The following PCDHGA8 variants were observed in gnomAD, a reference collection of about 807,000 sequenced individuals.
The protein encoded by PCDHGA8 is protocadherin gamma-A8.
PCDHGA8 carries 45 observed loss-of-function variants against 59.2 expected under a neutral mutation model. The observed-to-expected ratio is 0.76, with a 90% CI of 0.60 to 0.98. PCDHGA8 has a LOEUF of 0.98. Among genes scored for constraint, PCDHGA8 ranks in the 50% least tolerant of loss-of-function variants. The pLI, the probability that PCDHGA8 is intolerant of heterozygous loss-of-function variation, is 0.00. For synonymous variants in PCDHGA8, 531 were observed against 519.0 expected (o/e 1.02, Z -0.32); for missense variants, 1,257 against 1,196.2 (o/e 1.05, Z -0.75).
At position 141,491,116 on chromosome 5, in the gene PCDHGA8, GGT is replaced by G. The variant is rs2099708409; in HGVS notation, c.2425-3689_2425-3688del. The G allele has an allele frequency of 1.2e-6, 2 of 1,614,178 alleles. No individual in the cohort carries two copies. Among genetic ancestry groups the G allele is most frequent in the Non-Finnish European group, 1.7e-6 (2 of 1,180,024 alleles). On this transcript the variant is annotated intron_variant, in intron 1 of 3. Transcript: ENST00000398604. This position sits in a 1 kb window ranked among gnomAD's most constrained non-coding sequence, Gnocchi z 6.9. Reference sequence around the variant, plus strand: ...ACTGTTCCTCGTGTCTACACACACTGGTGAGGTGCGCACAGCCCGGGCCTTAC... The same window carrying G: ...ACTGTTCCTCGTGTCTACACACACTGGAGGTGCGCACAGCCCGGGCCTTAC...
intron 1 of PCDHGA8, chr5:141,413,378 T>G (rs2095632557): frequency 6.2e-7 from 1 of 1,613,616 alleles, no homozygotes; most frequent in Non-Finnish European, 8.5e-7. Context: ...GAGCGCGGAG[T>G]CCGCATAGTC....
intron 1 of PCDHGA8, chr5:141,399,525 C>G: frequency 6.2e-7 from 1 of 1,614,058 alleles, no homozygotes; most frequent in Non-Finnish European, 8.5e-7. Flanking sequence ...CTGGGGCCTC[C>G]ATCGCGCAAG....
At chr5:141,433,406 T>C (rs2097604777) in intron 1 of PCDHGA8, among the ~76,000 whole-genome samples, 1 of 149,982 alleles carries the variant, frequency 6.7e-6, no homozygotes, top group Non-Finnish European at 1.5e-5. Flanking sequence ...TATCTATCTA[T>C]TACTTTCTTG....
intron 1 of PCDHGA8, 137 bp from the exon 2 acceptor site, chr5:141,494,670 C>T: frequency 6.5e-7 from 1 of 1,529,402 alleles, no homozygotes; most frequent in Non-Finnish European, 8.8e-7. Flanking sequence ...GGAGATGAGT[C>T]CACCCCTGCC....
At chr5:141,398,414 G>C (rs373274513) in intron 1 of PCDHGA8, 1 of 1,487,954 alleles carries the variant, frequency 6.7e-7, no homozygotes, top group Non-Finnish European at 9.3e-7. Flanking sequence ...GAGGAGATAT[G>C]CGGGAAGAAG....
intron 1 of PCDHGA8, 97 bp from the exon 2 acceptor site, chr5:141,494,710 C>G: frequency 6.2e-7 from 1 of 1,600,966 alleles, no homozygotes; most frequent in Admixed American, 1.7e-5. Context: ...TCTCTGTGCC[C>G]ACTCCCCTCC....
Position 141,398,834 on chromosome 5 carries a change from A to G in PCDHGA8, c.2424+3597A>G, listed in dbSNP as rs201953825. On this transcript the variant is annotated intron_variant, in intron 1 of 3. Transcript: ENST00000398604. Reference sequence around the variant, plus strand: ...CTCCGGATCCAGGTAACCGACGCCAATGATAATCCCCCGGTATTCAACCGA... The same window carrying G: ...CTCCGGATCCAGGTAACCGACGCCAGTGATAATCCCCCGGTATTCAACCGA... The G allele has an allele frequency of 3.9e-4, 623 of 1,614,014 alleles. 4 individuals are homozygous for G. In the South Asian group the frequency reaches 4.2e-3, roughly 11 times the overall value.
rs2099748179 is a variant in PCDHGA8 at position 141,493,421 on chromosome 5, T to G, written c.2425-1386T>G. Among the ~76,000 whole-genome samples the G allele has an allele frequency of 6.6e-6, 1 of 152,182 alleles. No individual in the cohort carries two copies. Among genetic ancestry groups the G allele is most frequent in the South Asian group, 2.1e-4 (1 of 4,830 alleles). On this transcript the variant is annotated intron_variant, in intron 1 of 3. Coordinates refer to ENST00000398604, the MANE Select transcript of PCDHGA8 (RefSeq NM_032088.2). The surrounding 1 kb of genome is among the most constrained non-coding windows in gnomAD (Gnocchi z 4.3). Reference sequence around the variant, plus strand: ...GGAGTTGCCTCTGCTGGGATTTTGCTTCTGCTGGGATGGGGCAAGGGTGGG... The same window carrying G: ...GGAGTTGCCTCTGCTGGGATTTTGCGTCTGCTGGGATGGGGCAAGGGTGGG...
At chr5:141,413,716 C>T in intron 1 of PCDHGA8, 2 of 1,613,608 alleles carry the variant, frequency 1.2e-6, no homozygotes, top group Non-Finnish European at 1.7e-6. Flanking sequence ...CCCCAATAAG[C>T]ACTTCTCCCT....
intron 1 of PCDHGA8, among the ~76,000 whole-genome samples, chr5:141,430,101 G>C (rs918427744): frequency 6.6e-6 from 1 of 152,036 alleles, no homozygotes; most frequent in African/African-American, 2.4e-5. Context: ...ATTTTTAAGC[G>C]TTACATGTCA....
chr5:141,492,880 T>C (rs1204475362), intron 1 of PCDHGA8, among the ~76,000 whole-genome samples: 2 of 152,184 alleles, frequency 1.3e-5, no homozygotes, highest in African/African-American at 4.8e-5. Context: ...CCCCCAGAGA[T>C]ACAGGCTTTT....
intron 2 of PCDHGA8, among the ~76,000 whole-genome samples, chr5:141,501,536 G>A (rs570102957): frequency 5.9e-5 from 9 of 152,054 alleles, no homozygotes; most frequent in African/African-American, 2.2e-4. Context: ...GTACGTTGTT[G>A]TGCATAAGAT....
At chr5:141,410,544 G>A (rs1370251538) in intron 1 of PCDHGA8, 3 of 1,613,640 alleles carry the variant, frequency 1.9e-6, no homozygotes, top group Non-Finnish European at 2.5e-6. Flanking sequence ...GACATGGTTT[G>A]CAGTGTTTCT....
intron 1 of PCDHGA8, chr5:141,405,262 C>T (rs1352663124): frequency 1.9e-6 from 3 of 1,614,012 alleles, no homozygotes; most frequent in Non-Finnish European, 2.5e-6. Context: ...ACCTGATCTT[C>T]CCCCAGCCCA....
chr5:141,417,821 A>G (rs769813917), intron 1 of PCDHGA8: 1 of 1,514,942 alleles, frequency 6.6e-7, no homozygotes, highest in African/African-American at 1.4e-5. Flanking sequence ...ACTTTCTCCA[A>G]CTGGAAAAGC....
Position 141,431,674 on chromosome 5 carries a change from G to T in PCDHGA8, c.2424+36437G>T. 6.2e-7 allele frequency: 1 copy of T among 1,614,234 alleles called. No homozygotes were observed. ...ATTCAGGGACAATATCAACAATAGG[G>T]GAGTTGGACCACGAGGAGTCAGGAT... is the stretch of plus-strand genomic sequence containing the variant. On this transcript the variant is annotated intron_variant, in intron 1 of 3. Transcript: ENST00000398604. This position sits in a 1 kb window ranked among gnomAD's most constrained non-coding sequence, Gnocchi z 4.8.
rs1488506612 is a variant in PCDHGA8 at position 141,395,336 on chromosome 5, T to G, written c.2424+99T>G. ...TTGTGAAGATAGTTGAAAATAATTTTTAAGGTGTATCACAGAGTTTTGGGT... is the reference window on the plus strand; with the variant it reads ...TTGTGAAGATAGTTGAAAATAATTTGTAAGGTGTATCACAGAGTTTTGGGT... On this transcript the variant is annotated intron_variant, in intron 1 of 3. Coordinates refer to ENST00000398604, the MANE Select transcript of PCDHGA8 (RefSeq NM_032088.2). 5 of 1,435,024 alleles carry G rather than the reference T, an allele frequency of 3.5e-6. No homozygotes were observed. In the African/African-American group the frequency reaches 4.3e-5, roughly 12 times the overall value. The allele number at this position is 1,435,024 out of a possible 1,614,324, so 88.9% of individuals were successfully genotyped here. A position where few individuals can be genotyped will look rare whatever the true frequency, so the allele number is the denominator to read the frequency against.
At chr5:141,437,264 A>G (rs2097872616) in intron 1 of PCDHGA8, among the ~76,000 whole-genome samples, 2 of 152,228 alleles carry the variant, frequency 1.3e-5, no homozygotes, top group South Asian at 2.1e-4. Context: ...TTTTATGTGT[A>G]TGACAGATGT....
Position 141,486,316 on chromosome 5 carries a change from A to G in PCDHGA8, c.2425-8491A>G, listed in dbSNP as rs1251956899. The G allele has an allele frequency of 6.2e-7, 1 of 1,614,066 alleles. No individual in the cohort carries two copies. On this transcript the variant is annotated intron_variant, in intron 1 of 3. Transcript: ENST00000398604. This position sits in a 1 kb window ranked among gnomAD's most constrained non-coding sequence, Gnocchi z 5.0. ...GTGTGCAGGATCCAGACTCAGGGTC[A>G]AACGGAGATGTGAGCCTCCGCATTC...
Sources: gnomAD v4.1 joint callset for allele counts (sites outside exome capture counted in the v4.1 genomes callset) on GRCh38, gnomAD v4.1.1 for gene constraint, Gnocchi (gnomAD v3.1) non-coding constraint, MANE v1.5 for transcripts, NCBI Gene and HGNC (gene_info 2026-07-23, HGNC 2026-07-21) for gene names.